LRRTM4: variants seen among roughly 807,000 people sequenced by gnomAD.
LRRTM4 encodes the protein leucine-rich repeat transmembrane neuronal protein 4.
Under a neutral mutation model 47.6 loss-of-function variants are expected in LRRTM4, and 25 were observed. The ratio of observed to expected loss-of-function variants is 0.53; its 90% CI spans 0.38 to 0.73. The LOEUF is 0.73. Among genes scored for constraint, LRRTM4 ranks in the 30% least tolerant of loss-of-function variants. LRRTM4 has a pLI of 0.00. For missense variants in LRRTM4, 638 were observed against 713.4 expected, an observed-to-expected ratio of 0.89 and a Z score of 1.20; for synonymous variants, 311 against 269.5, an observed-to-expected ratio of 1.15 and a Z score of -1.51.
At position 76,781,748 on chromosome 2, in the gene LRRTM4, C is replaced by G. The variant is rs575568046; in HGVS notation, c.1552-32832G>C. On this transcript the variant is annotated intron_variant, in intron 3 of 3. Transcript: ENST00000409884. Reference sequence around the variant, plus strand: ...TCACGCTGGGAGCTATAGACCGGAGCTGTTCCTATTCTCATTTCTCTTATT... The same window carrying G: ...TCACGCTGGGAGCTATAGACCGGAGGTGTTCCTATTCTCATTTCTCTTATT... 1.1e-4 allele frequency among the ~76,000 whole-genome samples: 16 copies of G among 152,302 alleles called. No individual in the cohort carries two copies. In the East Asian group the frequency reaches 3.1e-3, roughly 29 times the overall value.
At chr2:76,846,270 G>A (rs947707469) in intron 3 of LRRTM4, among the ~76,000 whole-genome samples, 1 of 152,104 alleles carries the variant, frequency 6.6e-6, no homozygotes, top group African/African-American at 2.4e-5. Context: ...CCCAAGGGCT[G>A]CCCTGCACTT....
intron 3 of LRRTM4, among the ~76,000 whole-genome samples, chr2:76,853,815 T>A (rs1672067091): frequency 6.6e-6 from 1 of 152,154 alleles, no homozygotes; most frequent in Non-Finnish European, 1.5e-5. Flanking sequence ...TAAGAACAAA[T>A]GCATTTCTCA....
chr2:76,983,498 C>CA, intron 3 of LRRTM4, among the ~76,000 whole-genome samples: 1 of 152,108 alleles, frequency 6.6e-6, no homozygotes, highest in East Asian at 1.9e-4. Context: ...TCTTGCCTGT[C>CA]ACCATGTAAG....
At chr2:76,834,509 G>A (rs1192148478) in intron 3 of LRRTM4, among the ~76,000 whole-genome samples, 2 of 151,860 alleles carry the variant, frequency 1.3e-5, no homozygotes, top group Non-Finnish European at 2.9e-5. Flanking sequence ...ACAATTAGAA[G>A]TGTCTCCATC....
chr2:76,789,188 G>C (rs555089699), intron 3 of LRRTM4, among the ~76,000 whole-genome samples: 2 of 152,302 alleles, frequency 1.3e-5, no homozygotes, highest in East Asian at 3.9e-4. Context: ...CACCTGGAAA[G>C]GATGCCTGCT....
At chr2:77,309,028 T>A (rs1378852341) in intron 3 of LRRTM4, among the ~76,000 whole-genome samples, 1 of 152,068 alleles carries the variant, frequency 6.6e-6, no homozygotes, top group Non-Finnish European at 1.5e-5. Context: ...AACAGAAATG[T>A]AAATAAAAGG....
intron 3 of LRRTM4, among the ~76,000 whole-genome samples, chr2:77,110,666 T>C (rs1408083897): frequency 6.6e-6 from 1 of 152,180 alleles, no homozygotes; most frequent in Non-Finnish European, 1.5e-5. Flanking sequence ...TTGTGAAATA[T>C]ACCATGCAAT....
chr2:77,142,447 A>ACAC (rs1204426749), intron 3 of LRRTM4, among the ~76,000 whole-genome samples: 9 of 151,842 alleles, frequency 5.9e-5, no homozygotes, highest in Non-Finnish European at 1.2e-4. Context: ...ACACACACAC[A>ACAC]CACACACACA....
intron 3 of LRRTM4, among the ~76,000 whole-genome samples, chr2:77,324,196 T>C (rs1670665365): frequency 1.3e-5 from 2 of 152,144 alleles, no homozygotes; most frequent in Non-Finnish European, 2.9e-5. Context: ...TTGACTTTAT[T>C]GATATTTTTT....
rs368499592 is a variant in LRRTM4, at chr2:76,888,709, CTTTT to C, written c.1552-139797_1552-139794del. Among the ~76,000 whole-genome samples the C allele has an allele frequency of 4.0e-3, 601 of 151,350 alleles. 1 individual carries two copies. The highest frequency in any genetic ancestry group is 0.014 in the African/African-American group (575 of 41,372). ...TAGTTTGGACCACTGCTTTCGTTGC[CTTTT>C]TTGTTTTTCTTTTAGTACTATGTAT... On this transcript the variant is annotated intron_variant, in intron 3 of 3. Transcript: ENST00000409884.
chr2:77,460,793 T>C (rs1676758266), intron 3 of LRRTM4, among the ~76,000 whole-genome samples: 1 of 149,580 alleles, frequency 6.7e-6, no homozygotes, highest in African/African-American at 2.4e-5. Flanking sequence ...TAAGGACAGA[T>C]ATAAAAGCCC....
At chr2:77,242,485 A>C (rs1182223272) in intron 3 of LRRTM4, among the ~76,000 whole-genome samples, 1 of 152,112 alleles carries the variant, frequency 6.6e-6, no homozygotes, top group East Asian at 1.9e-4. Context: ...AAAAAATCTT[A>C]TTTTCAAAAT....
chr2:76,802,272 G>A (rs1006892676), intron 3 of LRRTM4, among the ~76,000 whole-genome samples: 1 of 147,594 alleles, frequency 6.8e-6, no homozygotes, highest in African/African-American at 2.5e-5. Flanking sequence ...AATAAAGTAA[G>A]TAAAGTTGTA....
chr2:76,757,749 GT>G (rs1463935757), intron 3 of LRRTM4, among the ~76,000 whole-genome samples: 3 of 152,078 alleles, frequency 2.0e-5, no homozygotes, highest in African/African-American at 4.8e-5. Flanking sequence ...AAAAATAATT[GT>G]AGAAGTTTTA....
At chr2:77,085,949 T>C (rs1680695621) in intron 3 of LRRTM4, among the ~76,000 whole-genome samples, 1 of 152,182 alleles carries the variant, frequency 6.6e-6, no homozygotes, top group African/African-American at 2.4e-5. Flanking sequence ...AATTTCTTTA[T>C]GCTATTGTCA....
chr2:76,790,225 A>C (rs1224028680), intron 3 of LRRTM4, among the ~76,000 whole-genome samples: 1 of 151,956 alleles, frequency 6.6e-6, no homozygotes, highest in Non-Finnish European at 1.5e-5. Context: ...TAAAGTTCAA[A>C]CTAATAATGA....
chr2:76,768,817 C>A (rs892827414), intron 3 of LRRTM4, among the ~76,000 whole-genome samples: 2 of 152,136 alleles, frequency 1.3e-5, no homozygotes, highest in African/African-American at 4.8e-5. Context: ...GGATCTGATT[C>A]CTCCTGCATG....
intron 3 of LRRTM4, among the ~76,000 whole-genome samples, chr2:77,359,878 G>A (rs1461739330): frequency 6.6e-6 from 1 of 152,024 alleles, no homozygotes; most frequent in Non-Finnish European, 1.5e-5. Flanking sequence ...CTATTCAACA[G>A]GATAAATTAA....
At chr2:77,484,325 T>C (rs549085527) in intron 3 of LRRTM4, among the ~76,000 whole-genome samples, 2 of 152,352 alleles carry the variant, frequency 1.3e-5, no homozygotes, top group East Asian at 1.9e-4. Flanking sequence ...TCTCCTTTTT[T>C]TTTCCTGTCT....
Sources: gnomAD v4.1 joint callset for allele counts (sites outside exome capture counted in the v4.1 genomes callset) on GRCh38, gnomAD v4.1.1 for gene constraint, MANE v1.5 for transcripts, NCBI Gene and HGNC (gene_info 2026-07-23, HGNC 2026-07-21) for gene names.